CTNNA3: variants seen among roughly 807,000 people sequenced by gnomAD.
CTNNA3 encodes the protein catenin alpha 3.
In CTNNA3, 76 loss-of-function variants were observed where a neutral mutation model predicts 95.7. The ratio of observed to expected loss-of-function variants is 0.79; its 90% CI spans 0.66 to 0.96. The LOEUF is 0.96. CTNNA3 is among the 40% of genes least tolerant of loss of function. CTNNA3 has a pLI of 0.00. For synonymous variants in CTNNA3, 431 were observed against 374.4 expected (o/e 1.15, Z -1.74); for missense variants, 1,191 against 1,089.8 (o/e 1.09, Z -1.31).
At chr10:67,577,701 T>C (rs145172616) in intron 3 of CTNNA3, among the ~76,000 whole-genome samples, 6 of 123,946 alleles carry the variant, frequency 4.8e-5, no homozygotes, top group East Asian at 6.2e-4. Context: ...TATACACACA[T>C]ATGTGTGTGT....
intron 7 of CTNNA3, among the ~76,000 whole-genome samples, chr10:67,103,941 A>G (rs960438156): frequency 1.3e-5 from 2 of 151,810 alleles, no homozygotes; most frequent in Non-Finnish European, 2.9e-5. Context: ...AGTTTTATAC[A>G]TGGTTCCCTA....
chr10:67,121,636 C>T (rs1244674464), intron 7 of CTNNA3, among the ~76,000 whole-genome samples: 1 of 151,924 alleles, frequency 6.6e-6, no homozygotes, highest in Non-Finnish European at 1.5e-5. Flanking sequence ...GGCCACAGTA[C>T]ACGTAAGTTC....
At chr10:66,315,506 T>TTGTG (rs58802869) in intron 12 of CTNNA3, among the ~76,000 whole-genome samples, 1,768 of 149,784 alleles carry the variant, frequency 0.012, 24 homozygotes, top group East Asian at 0.04. Context: ...CTGACTTCTC[T>TTGTG]TGTGTGTGTG....
chr10:67,700,371 A>AC (rs1279185456), upstream of CTNNA3, among the ~76,000 whole-genome samples: 3 of 151,790 alleles, frequency 2.0e-5, no homozygotes, highest in African/African-American at 7.3e-5. Flanking sequence ...ACTGGGAGGC[A>AC]CCCCCCAGTA....
chr10:66,253,490 T>C (rs1195526168), intron 13 of CTNNA3, among the ~76,000 whole-genome samples: 3 of 152,178 alleles, frequency 2.0e-5, no homozygotes, highest in East Asian at 3.8e-4. Context: ...TATCCAATTA[T>C]AAACTTAGAT....
intron 13 of CTNNA3, among the ~76,000 whole-genome samples, chr10:66,246,468 C>T (rs1377257617): frequency 2.0e-5 from 3 of 152,052 alleles, no homozygotes. Context: ...CCAGCTGCTC[C>T]ATGGAGAATG....
chr10:65,934,671 G>A (rs2077307902), intron 17 of CTNNA3, among the ~76,000 whole-genome samples: 1 of 152,058 alleles, frequency 6.6e-6, no homozygotes, highest in Non-Finnish European at 1.5e-5. Flanking sequence ...TTGAGATATT[G>A]TTTAACAATT....
At chr10:67,694,968 T>G (rs1405526001) in intron 1 of CTNNA3, among the ~76,000 whole-genome samples, 1 of 152,216 alleles carries the variant, frequency 6.6e-6, no homozygotes, top group Non-Finnish European at 1.5e-5. Context: ...TTTCTCCATT[T>G]AACAAACTTG....
chr10:66,454,005 A>G (rs1023104061), intron 11 of CTNNA3, among the ~76,000 whole-genome samples: 4 of 152,166 alleles, frequency 2.6e-5, no homozygotes, highest in African/African-American at 9.6e-5. Flanking sequence ...GGATGGATCC[A>G]TAGTCATCAC....
chr10:67,402,660 T>C (rs2132811853), intron 5 of CTNNA3, among the ~76,000 whole-genome samples: 1 of 152,270 alleles, frequency 6.6e-6, no homozygotes, highest in Admixed American at 6.5e-5. Flanking sequence ...AAGTGGTAAG[T>C]GAATGTGCCA....
Position 65,965,899 on chromosome 10 carries a change from T to G in CTNNA3, c.2400+713A>C, listed in dbSNP as rs552183842. On this transcript the variant is annotated intron_variant, in intron 17 of 17. Coordinates refer to ENST00000433211, the MANE Select transcript of CTNNA3 (RefSeq NM_013266.4). The stretch of plus-strand genomic sequence containing the variant: ...ATATTTATATTGTTTCATTTAAACT[T>G]AAATTTATAATCTTAGTCCATGTCC... Among the ~76,000 whole-genome samples, 23 of 152,286 alleles carry G rather than the reference T, an allele frequency of 1.5e-4. No individual in the cohort carries two copies. In the East Asian group the frequency reaches 4.4e-3, roughly 29 times the overall value.
chr10:66,365,838 G>C (rs1212803018), intron 12 of CTNNA3, among the ~76,000 whole-genome samples: 2 of 152,032 alleles, frequency 1.3e-5, no homozygotes, highest in South Asian at 2.1e-4. Flanking sequence ...GCAGCATGGA[G>C]AGGTGCCCAT....
intron 7 of CTNNA3, among the ~76,000 whole-genome samples, chr10:67,084,671 A>AT (rs1169820599): frequency 6.6e-6 from 1 of 151,882 alleles, no homozygotes; most frequent in Non-Finnish European, 1.5e-5. Context: ...AACTTTTATA[A>AT]TGGACACTTA....
chr10:66,741,166 A>C (rs1849313989), intron 9 of CTNNA3, among the ~76,000 whole-genome samples: 1 of 152,222 alleles, frequency 6.6e-6, no homozygotes, highest in Admixed American at 6.5e-5. Context: ...AAGTGAAAGC[A>C]ATGCCTTCTG....
chr10:67,531,854 G>A lies in CTNNA3; in HGVS notation c.459+7649C>T, dbSNP rs148144785. ...CCAGTGGGAGGTGATTGAATTACAGGGCCAGGTCTTTCCTGCACTGTTCTC... is the reference window on the plus strand; with the variant it reads ...CCAGTGGGAGGTGATTGAATTACAGAGCCAGGTCTTTCCTGCACTGTTCTC... On this transcript the variant is annotated intron_variant, in intron 4 of 17. Transcript: ENST00000433211. Among the ~76,000 whole-genome samples the A allele has an allele frequency of 3.3e-3, 496 of 152,194 alleles. 3 individuals are homozygous for A. Among genetic ancestry groups the A allele is most frequent in the African/African-American group, 0.011 (470 of 41,532 alleles).
chr10:66,020,639 T>A (rs1319411172), intron 15 of CTNNA3, among the ~76,000 whole-genome samples: 1 of 151,782 alleles, frequency 6.6e-6, no homozygotes, highest in Non-Finnish European at 1.5e-5. Context: ...TTCACATGCT[T>A]GAAGCCTAAA....
intron 13 of CTNNA3, among the ~76,000 whole-genome samples, chr10:66,161,190 G>A (rs532367547): frequency 6.6e-6 from 1 of 152,236 alleles, no homozygotes; most frequent in East Asian, 1.9e-4. Flanking sequence ...TGTTAGTATT[G>A]AAATGTGAGG....
chr10:66,211,987 T>TC, intron 13 of CTNNA3, among the ~76,000 whole-genome samples: 1 of 124,884 alleles, frequency 8.0e-6, no homozygotes, highest in African/African-American at 3.5e-5. Flanking sequence ...TTTTGGGTTT[T>TC]TTTTTTTTTT....
At chr10:66,244,508 CCT>C (rs2090230562) in intron 13 of CTNNA3, among the ~76,000 whole-genome samples, 1 of 152,102 alleles carries the variant, frequency 6.6e-6, no homozygotes, top group Non-Finnish European at 1.5e-5. Flanking sequence ...ACAGTGGGGC[CCT>C]GTGTCATCCC....
Sources: allele counts gnomAD v4.1 joint callset (sites outside exome capture counted in the v4.1 genomes callset), GRCh38; gene constraint gnomAD v4.1.1; transcripts MANE v1.5; gene names NCBI Gene and HGNC (gene_info 2026-07-23, HGNC 2026-07-21).